Variants in TBXT observed in about 807,000 individuals in gnomAD.
TBXT encodes the protein T-box transcription factor T.
TBXT carries 19 observed loss-of-function variants against 41.1 expected under a neutral mutation model. The ratio of observed to expected loss-of-function variants is 0.46; its 90% CI spans 0.32 to 0.68. The LOEUF is 0.68. Ranked by LOEUF, TBXT falls within the 30% of genes least tolerant of loss-of-function variation. TBXT has a pLI of 0.03. For synonymous variants in TBXT, 213 were observed against 238.9 expected (o/e 0.89, Z 1.00); for missense variants, 536 against 582.0 (o/e 0.92, Z 0.81).
upstream of TBXT, chr6:166,168,387 T>C (rs1779212322): frequency 6.6e-6 from 1 of 152,332 alleles, no homozygotes; most frequent in Admixed American, 6.5e-5. Context: ...TTGGCCGGGC[T>C]TTGGGATGCG....
At chr6:166,165,660 C>T (rs1234569984) in intron 3 of TBXT, 46 bp downstream of exon 3, 6 of 1,612,544 alleles carry the variant, frequency 3.7e-6, no homozygotes, top group Non-Finnish European at 5.1e-6. Context: ...AGCAGCACAC[C>T]ACACCGCAGC....
chr6:166,163,257 T>C (rs946911848), intron 5 of TBXT, among the ~76,000 whole-genome samples: 1 of 152,092 alleles, frequency 6.6e-6, no homozygotes. Flanking sequence ...GGTGCCTTCC[T>C]AGCTGGGGGT....
chr6:166,158,210 T>G lies in TBXT; in HGVS notation c.*105A>C. 1 of 1,580,320 alleles carries G rather than the reference T, an allele frequency of 6.3e-7. No individual in the cohort carries two copies. The highest frequency in any genetic ancestry group is 1.1e-5 in the South Asian group (1 of 89,784). On this transcript the variant is annotated 3_prime_UTR_variant, in exon 8 of 8. Transcript: ENST00000366876. ...AGGAAGTTACTGAGGCTGCATTTCC[T>G]TCTTAACCTGAGACTGCCACTGGGT...
chr6:166,165,569 C>A, intron 3 of TBXT, 137 bp downstream of exon 3: 1 of 1,365,134 alleles, frequency 7.3e-7, no homozygotes. Context: ...TTTCAAGTTC[C>A]GGAATATTAT....
At chr6:166,163,112 G>A (rs1332039906) in intron 5 of TBXT, among the ~76,000 whole-genome samples, 2 of 152,178 alleles carry the variant, frequency 1.3e-5, no homozygotes, top group Non-Finnish European at 1.5e-5. Flanking sequence ...CCCCAAGGCA[G>A]GTGAGCTTTC....
chr6:166,167,776 G>A lies in TBXT; in HGVS notation c.-185C>T, dbSNP rs1293556691. 1.5e-6 allele frequency: 1 copy of A among 682,342 alleles called. No homozygotes were observed. Among genetic ancestry groups the A allele is most frequent in the Non-Finnish European group, 2.5e-6 (1 of 403,292 alleles). The allele number at this position is 682,342 out of a possible 1,614,324, so 42.3% of individuals were successfully genotyped here. ...GGAGGGCGCGGACCAAGACTTGGGG[G>A]GAGGGGACGGGGGCAGAGGGGTGGG... On this transcript the variant is annotated 5_prime_UTR_variant, in exon 1 of 8. Coordinates refer to ENST00000366876, the MANE Select transcript of TBXT (RefSeq NM_001366285.2).
In TBXT at chr6:166,157,927, C is replaced by A; in HGVS notation, c.*388G>T. On this transcript the variant is annotated 3_prime_UTR_variant, in exon 8 of 8. Coordinates refer to ENST00000366876, the MANE Select transcript of TBXT (RefSeq NM_001366285.2). Reference sequence around the variant, plus strand: ...AGAAGATTAAGAGTGTGCTTTTTATCTCACTAAAGTAGGACTGGTGGAGTT... The same window carrying A: ...AGAAGATTAAGAGTGTGCTTTTTATATCACTAAAGTAGGACTGGTGGAGTT... 1 of 333,646 alleles carries A rather than the reference C, an allele frequency of 3.0e-6. No individual in the cohort carries two copies. The highest frequency in any genetic ancestry group is 3.1e-5 in the South Asian group (1 of 32,574). 20.7% of individuals were successfully genotyped at this position (333,646 alleles called of 1,614,324 possible). A position where few individuals can be genotyped will look rare whatever the true frequency, so the allele number is the denominator to read the frequency against.
At chr6:166,163,663 C>T (rs1044975882) in intron 5 of TBXT, among the ~76,000 whole-genome samples, 7 of 152,242 alleles carry the variant, frequency 4.6e-5, no homozygotes, top group South Asian at 2.1e-4. Flanking sequence ...GGATTACAGG[C>T]GTGAGCCACC....
intron 5 of TBXT, among the ~76,000 whole-genome samples, chr6:166,163,655 ATTACAGGCG>A (rs1458614382): frequency 2.6e-5 from 4 of 152,202 alleles, no homozygotes; most frequent in Admixed American, 2.0e-4. Context: ...AAGTGTTGGG[ATTACAGGCG>A]TGAGCCACCG....
At chr6:166,159,176 AAC>A (rs1303990372) in intron 7 of TBXT, among the ~76,000 whole-genome samples, 1 of 152,178 alleles carries the variant, frequency 6.6e-6, no homozygotes. Flanking sequence ...CCGTCAAACA[AAC>A]ACACAAAACA....
chr6:166,168,041 A>T (rs368291686), upstream of TBXT, among the ~76,000 whole-genome samples: 3 of 152,012 alleles, frequency 2.0e-5, no homozygotes, highest in East Asian at 3.9e-4. Flanking sequence ...CGCCTGTTTC[A>T]TGTAAATCCG....
intron 7 of TBXT, among the ~76,000 whole-genome samples, chr6:166,158,807 C>T (rs920100530): frequency 1.3e-5 from 2 of 152,210 alleles, no homozygotes; most frequent in East Asian, 1.9e-4. Context: ...ACAAAATCAT[C>T]AGGAAGATGA....
In TBXT at chr6:166,167,693, C is replaced by T; in HGVS notation, c.-102G>A. ...CCGCCGCCCTTCCGAGAAAAGGGGC[C>T]CCTTGGACCGAGACCTGCGACGGCT... On this transcript the variant is annotated 5_prime_UTR_variant, in exon 1 of 8. Coordinates refer to ENST00000366876, the MANE Select transcript of TBXT (RefSeq NM_001366285.2). 11 of 1,473,412 alleles carry T rather than the reference C, an allele frequency of 7.5e-6. No homozygotes were observed. Among genetic ancestry groups the T allele is most frequent in the Non-Finnish European group, 1.0e-5 (11 of 1,095,440 alleles). The allele number at this position is 1,473,412 out of a possible 1,614,324, so 91.3% of individuals were successfully genotyped here.
intron 7 of TBXT, among the ~76,000 whole-genome samples, chr6:166,160,579 G>A (rs965099851): frequency 5.3e-5 from 8 of 152,110 alleles, no homozygotes; most frequent in Non-Finnish European, 1.0e-4. Flanking sequence ...TCAGGGATGG[G>A]ATAGCGCAGC....
Position 166,167,313 on chromosome 6 carries a change from G to C in TBXT, c.206+73C>G. On this transcript the variant is annotated intron_variant, in intron 1 of 7. Transcript: ENST00000366876. ...AGGAGAAAAAGGGTTCGACCTCCGG[G>C]AACTTGCCAGGTCCCCCAGGCTGCC... is the stretch of plus-strand genomic sequence containing the variant. The C allele has an allele frequency of 3.2e-6, 5 of 1,572,196 alleles. No homozygotes were observed. The South Asian group carries it at 3.4e-5, about 11-fold the overall frequency.
intron 5 of TBXT, among the ~76,000 whole-genome samples, chr6:166,164,039 G>A (rs571584085): frequency 5.3e-5 from 8 of 152,282 alleles, no homozygotes; most frequent in South Asian, 2.1e-4. Flanking sequence ...TGGAGAGGAC[G>A]GACCAGGATG....
chr6:166,158,248 A>C lies in TBXT; in HGVS notation c.*67T>G. 6.2e-7 allele frequency: 1 copy of C among 1,612,002 alleles called. No homozygotes were observed. Among genetic ancestry groups the C allele is most frequent in the Non-Finnish European group, 8.5e-7 (1 of 1,178,202 alleles). On this transcript the variant is annotated 3_prime_UTR_variant, in exon 8 of 8. Transcript: ENST00000366876. ...ACTGCCACTGGGTACCTAGTAGGTCAATCCAGTCACCACTGGCTGCCACGA... is the reference window on the plus strand; with the variant it reads ...ACTGCCACTGGGTACCTAGTAGGTCCATCCAGTCACCACTGGCTGCCACGA...
chr6:166,167,274 C>CAA, intron 1 of TBXT, 112 bp downstream of exon 1: 1 of 1,254,068 alleles, frequency 8.0e-7, no homozygotes, highest in East Asian at 2.5e-5. Context: ...GGAACAAACA[C>CAA]AAAGCCCTCC....
intron 6 of TBXT, among the ~76,000 whole-genome samples, chr6:166,161,441 A>T (rs1193053591): frequency 2.0e-5 from 3 of 152,200 alleles, no homozygotes; most frequent in Admixed American, 2.0e-4. Flanking sequence ...AGGTCCTTTC[A>T]TTTCAAATCA....
Sources: gnomAD v4.1 joint callset for allele counts (sites outside exome capture counted in the v4.1 genomes callset) on GRCh38, gnomAD v4.1.1 for gene constraint, MANE v1.5 for transcripts, NCBI Gene and HGNC (gene_info 2026-07-23, HGNC 2026-07-21) for gene names.